The following ZNF672 variants were observed in gnomAD, a reference collection of about 807,000 sequenced individuals.
ZNF672 encodes the protein hypothetical protein FLJ22301.
For synonymous variants in ZNF672, 358 were observed against 305.6 expected, an observed-to-expected ratio of 1.17 and a Z score of -1.79; for missense variants, 733 against 701.1, an observed-to-expected ratio of 1.05 and a Z score of -0.51.
intron 1 of ZNF672, chr1:248,842,704 T>C (rs1261833352): frequency 6.6e-6 from 1 of 152,176 alleles, no homozygotes; most frequent in Non-Finnish European, 1.5e-5. Context: ...AGTTTGCTTC[T>C]ATCTCATCTG....
In ZNF672 at chr1:248,848,017, C is replaced by G. The variant is rs769742982; in HGVS notation, c.743C>G (p.Thr248Arg). Residue 248 changes from threonine (T) to arginine (R), a missense_variant, in exon 4 of 4, where the codon ACA becomes AGA. Physicochemically the swap from Thr to Arg is moderately conservative, Grantham distance 71. Coordinates refer to ENST00000306562, the MANE Select transcript of ZNF672 (RefSeq NM_024836.3). Reference protein sequence around the residue: ...ESATLVRHQRTHTGEKPYACG... With the variant: ...ESATLVRHQRRHTGEKPYACG... ...GCCACGCTGGTGCGCCACCAGCGCA[C>G]ACACACGGGCGAGAAGCCGTACGCA... The G allele has an allele frequency of 9.6e-6, 15 of 1,555,768 alleles. No homozygotes were observed. Among genetic ancestry groups the G allele is most frequent in the Admixed American group, 9.6e-5 (5 of 51,876 alleles).
intron 1 of ZNF672, chr1:248,842,844 C>G (rs562362332): frequency 6.6e-6 from 1 of 152,438 alleles, no homozygotes; most frequent in Non-Finnish European, 1.5e-5. Flanking sequence ...AACTCCCACC[C>G]TCCCACTGCC....
chr1:248,840,236 G>A (rs1393410624), intron 1 of ZNF672, among the ~76,000 whole-genome samples: 9 of 151,652 alleles, frequency 5.9e-5, no homozygotes, highest in African/African-American at 1.9e-4. Flanking sequence ...TACTACAGGC[G>A]CGTGCCACCA....
chr1:248,845,838 A>G (rs6679364), intron 3 of ZNF672, among the ~76,000 whole-genome samples, 176 bp downstream of exon 3: 1 of 152,176 alleles, frequency 6.6e-6, no homozygotes, highest in Non-Finnish European at 1.5e-5. Flanking sequence ...AAGGGGCTAT[A>G]CTGTACTAGC....
At chr1:248,840,283 G>A (rs1271696447) in intron 1 of ZNF672, among the ~76,000 whole-genome samples, 1 of 150,708 alleles carries the variant, frequency 6.6e-6, no homozygotes, top group African/African-American at 2.4e-5. Context: ...GTAGAGACGG[G>A]GTTTCACCAT....
intron 1 of ZNF672, chr1:248,839,379 T>C (rs934982087): frequency 3.9e-5 from 6 of 152,338 alleles, no homozygotes; most frequent in African/African-American, 1.4e-4. Flanking sequence ...ATGCCTGTTA[T>C]CCTAGCACTT....
At chr1:248,839,900 G>A (rs1179015422) in intron 1 of ZNF672, among the ~76,000 whole-genome samples, 2 of 151,412 alleles carry the variant, frequency 1.3e-5, no homozygotes, top group African/African-American at 4.9e-5. Flanking sequence ...CACCACACCT[G>A]GCTGATTTTT....
Position 248,847,639 on chromosome 1 carries a change from A to G in ZNF672, c.365A>G (p.His122Arg). ...CTGCTGCTACACCGGCGCCGCCAGCATCTGCCAGAGCGGCCCCGCCGCTGC... is the reference window on the plus strand; with the variant it reads ...CTGCTGCTACACCGGCGCCGCCAGCGTCTGCCAGAGCGGCCCCGCCGCTGC... ...PALLLHRRRQ[H>R]LPERPRRCPL... Residue 122 changes from histidine (H) to arginine (R), a missense_variant, in exon 4 of 4, where the codon CAT becomes CGT. Physicochemically the swap from His to Arg is conservative, Grantham distance 29. Transcript: ENST00000306562. 6.6e-7 allele frequency: 1 copy of G among 1,516,538 alleles called. No homozygotes were observed. Among genetic ancestry groups the G allele is most frequent in the Non-Finnish European group, 8.8e-7 (1 of 1,135,342 alleles). 93.9% of individuals were successfully genotyped at this position (1,516,538 alleles called of 1,614,324 possible).
chr1:248,839,732 A>ATTTTTTTT (rs774234469), intron 1 of ZNF672, among the ~76,000 whole-genome samples: 2 of 113,892 alleles, frequency 1.8e-5, no homozygotes, highest in Non-Finnish European at 3.4e-5. Context: ...AGTGTTAGCA[A>ATTTTTTTT]TTTTTTTTTT....
chr1:248,847,997 G>T lies in ZNF672; in HGVS notation c.723G>T (p.Thr241=). 6.4e-7 allele frequency: 1 copy of T among 1,556,532 alleles called. No homozygotes were observed. The change falls in exon 4 of 4, where the codon ACG becomes ACT. Residue 241 remains threonine (T), a synonymous_variant. Transcript: ENST00000306562. ...GCAAGGGCTTCCTGGAGAGCGCCACGCTGGTGCGCCACCAGCGCACACACA... is the reference window on the plus strand; with the variant it reads ...GCAAGGGCTTCCTGGAGAGCGCCACTCTGGTGCGCCACCAGCGCACACACA... ...ECGKGFLESA[T]LVRHQRTHTG...
At position 248,849,143 on chromosome 1, in the gene ZNF672, TG is replaced by T. The variant is rs1446106395; in HGVS notation, c.*511del. On this transcript the variant is annotated 3_prime_UTR_variant, in exon 4 of 4. Transcript: ENST00000306562. The stretch of plus-strand genomic sequence containing the variant: ...CTTGGTTCCCTGTTAACTCTGTTTC[TG>T]AGAAATGTGGGTATGGAGGTGGGTG... 2.1e-6 allele frequency: 1 copy of T among 467,242 alleles called. No individual in the cohort carries two copies. Among genetic ancestry groups the T allele is most frequent in the East Asian group, 6.9e-5 (1 of 14,390 alleles). 28.9% of individuals were successfully genotyped at this position (467,242 alleles called of 1,614,324 possible).
intron 1 of ZNF672, among the ~76,000 whole-genome samples, chr1:248,843,649 A>G (rs544941750): frequency 6.6e-6 from 1 of 152,236 alleles, no homozygotes; most frequent in African/African-American, 2.4e-5. Flanking sequence ...CACATTTATA[A>G]TCTTAAATTT....
chr1:248,839,441 T>G (rs2103026580), intron 1 of ZNF672: 1 of 152,328 alleles, frequency 6.6e-6, no homozygotes, highest in East Asian at 1.9e-4. Flanking sequence ...AAGACCAGCC[T>G]GGGCAACATG....
chr1:248,847,849 G>T lies in ZNF672; in HGVS notation c.575G>T (p.Arg192Leu). 6.3e-7 allele frequency: 1 copy of T among 1,579,950 alleles called. No individual in the cohort carries two copies. Among genetic ancestry groups the T allele is most frequent in the Non-Finnish European group, 8.6e-7 (1 of 1,166,892 alleles). ...ARIHVSRSPT[R>L]PRVSDAHQCG... ...ATCCACGTGTCCCGGAGCCCCACGC[G>T]ACCCCGTGTCTCAGACGCCCACCAG... The change falls in exon 4 of 4, where the codon CGA becomes CTA. Residue 192 changes from arginine (R) to leucine (L), a missense_variant. Transcript: ENST00000306562.
chr1:248,842,243 G>A (rs552313794), intron 1 of ZNF672, among the ~76,000 whole-genome samples: 2 of 152,140 alleles, frequency 1.3e-5, no homozygotes, highest in East Asian at 3.9e-4. Context: ...AGATTCAGTC[G>A]GACATGTCTA....
chr1:248,848,005 G>C lies in ZNF672; in HGVS notation c.731G>C (p.Arg244Pro), dbSNP rs1303758492. The C allele has an allele frequency of 5.1e-6, 8 of 1,555,472 alleles. No homozygotes were observed. The South Asian group carries it at 9.4e-5, about 18-fold the overall frequency. Residue 244 changes from arginine (R) to proline (P), a missense_variant, in exon 4 of 4, where the codon CGC becomes CCC. Coordinates refer to ENST00000306562, the MANE Select transcript of ZNF672 (RefSeq NM_024836.3). The part of the protein sequence containing the change: ...KGFLESATLV[R>P]HQRTHTGEKP... ...TTCCTGGAGAGCGCCACGCTGGTGC[G>C]CCACCAGCGCACACACACGGGCGAG...
Position 248,847,472 on chromosome 1 carries a change from C to T in ZNF672, c.198C>T (p.Gly66=), listed in dbSNP as rs1396521512. ...DLRAHRRTHA[G]QTLYICSECG... ...GAGCGCACAGGCGCACGCATGCTGG[C>T]CAGACCCTCTACATCTGCAGTGAGT... Residue 66 remains glycine, a synonymous_variant, in exon 4 of 4, where the codon GGC becomes GGT. Coordinates refer to ENST00000306562, the MANE Select transcript of ZNF672 (RefSeq NM_024836.3). 1 of 1,594,838 alleles carries T rather than the reference C, an allele frequency of 6.3e-7. No individual in the cohort carries two copies. Among genetic ancestry groups the T allele is most frequent in the Non-Finnish European group, 8.5e-7 (1 of 1,170,918 alleles).
intron 2 of ZNF672, among the ~76,000 whole-genome samples, chr1:248,845,202 C>T (rs1236657291): frequency 6.6e-6 from 1 of 152,176 alleles, no homozygotes; most frequent in Non-Finnish European, 1.5e-5. Context: ...GCAGAGGTTG[C>T]AGTGAGCCGA....
In ZNF672 at chr1:248,848,373, C is replaced by G; in HGVS notation, c.1099C>G (p.His367Asp). The change falls in exon 4 of 4, where the codon CAC (histidine) becomes GAC (aspartate). Residue 367 changes from histidine (H) to aspartate (D), a missense_variant. By Grantham distance (81) the His-to-Asp change is moderately conservative. Transcript: ENST00000306562. ...GCGCAACCATGCCGGCCACAAGCCA[C>G]ACAAATGCCCCGAGTGCAGCAAGGC... ...HRRNHAGHKP[H>D]KCPECSKAFS... The G allele has an allele frequency of 6.2e-7, 1 of 1,602,606 alleles. No individual in the cohort carries two copies. Among genetic ancestry groups the G allele is most frequent in the Non-Finnish European group, 8.5e-7 (1 of 1,179,764 alleles).
Sources: allele counts gnomAD v4.1 joint callset (sites outside exome capture counted in the v4.1 genomes callset), GRCh38; gene constraint gnomAD v4.1.1; transcripts MANE v1.5; gene names NCBI Gene and HGNC (gene_info 2026-07-23, HGNC 2026-07-21).